Variants in FNDC1 observed in about 807,000 individuals in gnomAD.
The protein encoded by FNDC1 is fibronectin type III domain containing 1.
FNDC1 carries 96 observed loss-of-function variants against 168.0 expected under a neutral mutation model. The observed-to-expected ratio is 0.57, with a 90% CI of 0.48 to 0.68. FNDC1 has a LOEUF of 0.68. FNDC1 is among the 30% of genes least tolerant of loss of function. The pLI is 0.00. For missense variants in FNDC1, 2,587 were observed against 2,482.1 expected (o/e 1.04, Z -0.90); for synonymous variants, 1,099 against 1,025.9 (o/e 1.07, Z -1.36).
At chr6:159,255,988 G>A (rs1054434771) in intron 17 of FNDC1, among the ~76,000 whole-genome samples, 2 of 152,348 alleles carry the variant, frequency 1.3e-5, no homozygotes, top group East Asian at 3.9e-4. Flanking sequence ...TGATTAGACA[G>A]TGAGGGCAAG....
At position 159,223,640 on chromosome 6, in the gene FNDC1, A is replaced by C. The variant is rs188502382; in HGVS notation, c.879A>C (p.Ala293=). 146 of 1,603,472 alleles carry C rather than the reference A, an allele frequency of 9.1e-5. 1 individual carries two copies. The East Asian group carries it at 2.9e-3, about 32-fold the overall frequency. The stretch of plus-strand genomic sequence containing the variant: ...TGGAAAAACAGAAGAAAGTTGTTGC[A>C]TCAAGGTACTTTTGCTTATTTATTT... ...PVLEKQKKVV[A]SRQYTVRYRE... Residue 293 remains alanine, a synonymous_variant, in exon 7 of 23, where the codon GCA becomes GCC. Coordinates refer to ENST00000297267, the MANE Select transcript of FNDC1 (RefSeq NM_032532.3).
At chr6:159,248,592 C>T (rs1213402766) in intron 15 of FNDC1, among the ~76,000 whole-genome samples, 2 of 152,078 alleles carry the variant, frequency 1.3e-5, no homozygotes, top group Non-Finnish European at 2.9e-5. Flanking sequence ...GTGTGAGCCA[C>T]CACACCTGGC....
chr6:159,269,491 T>C (rs59252287), intron 22 of FNDC1, among the ~76,000 whole-genome samples: 1,616 of 49,374 alleles, frequency 0.033, 13 homozygotes, highest in African/African-American at 0.045. Context: ...TCTATCTATC[T>C]ATCTATCTAT....
At chr6:159,253,983 G>T (rs1359824114) in intron 17 of FNDC1, among the ~76,000 whole-genome samples, 1 of 152,172 alleles carries the variant, frequency 6.6e-6, no homozygotes, top group Non-Finnish European at 1.5e-5. Flanking sequence ...GTGCCAGACG[G>T]GAAATGCCGT....
At chr6:159,235,709 C>T (rs1013503211) in intron 11 of FNDC1, among the ~76,000 whole-genome samples, 1 of 152,168 alleles carries the variant, frequency 6.6e-6, no homozygotes, top group African/African-American at 2.4e-5. Flanking sequence ...ACTTCTCAAG[C>T]AGCCCCACAG....
At chr6:159,234,512 G>GGT in intron 11 of FNDC1, 33 bp downstream of exon 11, 1 of 1,597,764 alleles carries the variant, frequency 6.3e-7, no homozygotes, top group Non-Finnish European at 8.6e-7. Context: ...CTTTCTTTAA[G>GGT]GTGTTCAGTG....
rs141635647 is a variant in FNDC1 at position 159,256,623 on chromosome 6, C to T, written c.5166C>T (p.Pro1722=). Residue 1722 remains proline (P), a synonymous_variant, in exon 18 of 23, where the codon CCC becomes CCT. Transcript: ENST00000297267. ...VTHLPIENLK[P]NTRYYFKVQA... Reference sequence around the variant, plus strand: ...ACTTGCCCATTGAGAACCTAAAGCCCAACACGAGGTACGATGTGTCAGTCA... The same window carrying T: ...ACTTGCCCATTGAGAACCTAAAGCCTAACACGAGGTACGATGTGTCAGTCA... 6.2e-7 allele frequency: 1 copy of T among 1,608,628 alleles called. No homozygotes were observed. The highest frequency in any genetic ancestry group is 8.5e-7 in the Non-Finnish European group (1 of 1,175,106).
intron 13 of FNDC1, 99 bp downstream of exon 13, chr6:159,238,764 A>C: frequency 1.2e-6 from 1 of 812,366 alleles, no homozygotes; most frequent in Non-Finnish European, 1.9e-6. Context: ...ATGAATGGTC[A>C]TGGGTTAGTT....
intron 1 of FNDC1, among the ~76,000 whole-genome samples, chr6:159,184,450 A>T (rs1285486395): frequency 6.6e-6 from 1 of 152,200 alleles, no homozygotes; most frequent in Non-Finnish European, 1.5e-5. Flanking sequence ...ATGCCCATTC[A>T]TAATCATTAA....
chr6:159,182,693 G>C (rs1470717172), intron 1 of FNDC1, among the ~76,000 whole-genome samples: 1 of 152,196 alleles, frequency 6.6e-6, no homozygotes, highest in Non-Finnish European at 1.5e-5. Context: ...TCCCAGGGGA[G>C]TGGCTTTCTT....
In FNDC1 at chr6:159,232,390, C is replaced by G. The variant is rs779666197; in HGVS notation, c.1878C>G (p.Thr626=). 1.2e-6 allele frequency: 2 copies of G among 1,613,240 alleles called. No individual in the cohort carries two copies. Among genetic ancestry groups the G allele is most frequent in the Non-Finnish European group, 1.7e-6 (2 of 1,179,482 alleles). Residue 626 remains threonine, a synonymous_variant, in exon 11 of 23, where the codon ACC becomes ACG. Transcript: ENST00000297267. This position sits in a 1 kb window ranked among gnomAD's most constrained non-coding sequence, Gnocchi z 4.9. ...ASASPAHHAS[T]QGTSHRPSLP... is the part of the protein sequence containing the mutation. ...CCTCTCCTGCCCACCACGCGTCCAC[C>G]CAGGGCACCTCTCATCGTCCTTCCC...
chr6:159,266,237 A>G lies in FNDC1; in HGVS notation c.5438A>G (p.Asn1813Ser). 6.2e-7 allele frequency: 1 copy of G among 1,613,942 alleles called. No homozygotes were observed. Among genetic ancestry groups the G allele is most frequent in the Non-Finnish European group, 8.5e-7 (1 of 1,179,810 alleles). ...AGGTATAAAATCTACCTCAGTGACA[A>G]CCTGAAAGGTAAGTCTTTGTGCATG... ...SLRYKIYLSD[N>S]LKDTFYSIGD... The change falls in exon 21 of 23, where the codon AAC becomes AGC. Residue 1813 changes from asparagine to serine, a missense_variant. Transcript: ENST00000297267.
intron 4 of FNDC1, among the ~76,000 whole-genome samples, chr6:159,212,362 A>C (rs1443374043): frequency 1.3e-5 from 2 of 152,242 alleles, no homozygotes; most frequent in Non-Finnish European, 1.5e-5. Context: ...GCTATCACAT[A>C]CAGCCCAGAG....
At chr6:159,178,799 G>A (rs1417764782) in intron 1 of FNDC1, among the ~76,000 whole-genome samples, 1 of 151,474 alleles carries the variant, frequency 6.6e-6, no homozygotes, top group African/African-American at 2.4e-5. Flanking sequence ...GGCATCTCAG[G>A]GAAGTGCGGC....
At chr6:159,213,172 C>T (rs1047558232) in intron 4 of FNDC1, among the ~76,000 whole-genome samples, 1 of 152,218 alleles carries the variant, frequency 6.6e-6, no homozygotes, top group Non-Finnish European at 1.5e-5. Flanking sequence ...GGTTGGACAG[C>T]AAGGCCAGAG....
chr6:159,229,245 T>A (rs985074312), intron 9 of FNDC1, among the ~76,000 whole-genome samples: 17 of 152,218 alleles, frequency 1.1e-4, no homozygotes, highest in Admixed American at 9.2e-4. Context: ...CAACTTTTCT[T>A]CACAGCTCTA....
rs1783190350 is a variant in FNDC1, at chr6:159,234,212, G to A, written c.3700G>A (p.Gly1234Arg). Reference sequence around the variant, plus strand: ...GCCTGCCATCGCGCTTGCCCCTCGCGGAGGGAGCCTGGCTCCTGTGAAGCG... The same window carrying A: ...GCCTGCCATCGCGCTTGCCCCTCGCAGAGGGAGCCTGGCTCCTGTGAAGCG... ...REPAIALAPR[G>R]GSLAPVKRPL... The change falls in exon 11 of 23, where the codon GGA (glycine) becomes AGA (arginine). Residue 1234 changes from glycine (G) to arginine (R), a missense_variant. Transcript: ENST00000297267. 1.9e-6 allele frequency: 3 copies of A among 1,595,802 alleles called. No homozygotes were observed. Among genetic ancestry groups the A allele is most frequent in the African/African-American group, 2.7e-5 (2 of 74,532 alleles).
chr6:159,246,348 T>C (rs1405034601), intron 14 of FNDC1, among the ~76,000 whole-genome samples: 2 of 152,176 alleles, frequency 1.3e-5, no homozygotes, highest in Admixed American at 6.5e-5. Context: ...AGTTGGGATG[T>C]AGAAGAGGTA....
At chr6:159,268,333 A>C (rs893009172) in intron 22 of FNDC1, among the ~76,000 whole-genome samples, 1 of 152,214 alleles carries the variant, frequency 6.6e-6, no homozygotes, top group Non-Finnish European at 1.5e-5. Flanking sequence ...AACTGAGTAC[A>C]GTCTAGCACC....
Sources: gnomAD v4.1 joint callset for allele counts (sites outside exome capture counted in the v4.1 genomes callset) on GRCh38, gnomAD v4.1.1 for gene constraint, Gnocchi (gnomAD v3.1) non-coding constraint, MANE v1.5 for transcripts, NCBI Gene and HGNC (gene_info 2026-07-23, HGNC 2026-07-21) for gene names.